Variants in KIRREL3 observed in about 807,000 individuals in gnomAD.
KIRREL3 encodes kirre like nephrin family adhesion molecule 3.
In KIRREL3, 36 loss-of-function variants were observed where a neutral mutation model predicts 89.7. That is an observed-to-expected ratio of 0.40 (90% CI 0.31 to 0.53). The LOEUF is 0.53. KIRREL3 is among the 20% of genes least tolerant of loss of function. KIRREL3 has a pLI of 0.49. For synonymous variants in KIRREL3, 445 were observed against 441.4 expected (o/e 1.01, Z -0.10); for missense variants, 864 against 1,056.6 (o/e 0.82, Z 2.53).
intron 1 of KIRREL3, among the ~76,000 whole-genome samples, chr11:126,672,984 G>C (rs929947150): frequency 2.0e-5 from 3 of 152,172 alleles, no homozygotes; most frequent in Admixed American, 1.3e-4. Context: ...TAACAAATAG[G>C]CTTGAGTTTC....
At chr11:126,957,939 A>G (rs1007586433) in intron 1 of KIRREL3, among the ~76,000 whole-genome samples, 1 of 152,238 alleles carries the variant, frequency 6.6e-6, no homozygotes, top group Admixed American at 6.5e-5. Context: ...TGTGCCATTC[A>G]GTCATAATAC....
intron 1 of KIRREL3, among the ~76,000 whole-genome samples, chr11:126,765,752 T>C (rs948612106): frequency 6.6e-6 from 1 of 152,152 alleles, no homozygotes; most frequent in African/African-American, 2.4e-5. Context: ...CCAACATAAC[T>C]CACTCCTCAG....
At chr11:126,437,557 T>C (rs12280574) in intron 11 of KIRREL3, among the ~76,000 whole-genome samples, 81,106 of 152,030 alleles carry the variant, frequency 0.53, 22,598 homozygotes, top group Admixed American at 0.6. Flanking sequence ...CACATCACAG[T>C]GCACACATGC....
Position 126,508,843 on chromosome 11 carries a change from C to A in KIRREL3, c.433+12472G>T, listed in dbSNP as rs772883616. On this transcript the variant is annotated intron_variant, in intron 4 of 16. Transcript: ENST00000525144. The surrounding 1 kb of genome is among the most constrained non-coding windows in gnomAD (Gnocchi z 4.9). The stretch of plus-strand genomic sequence containing the variant: ...TGGTCAGAGGGCAGATGAAGGCATG[C>A]GAGTGGGTTCCTCAGCACAGTGCCT... Among the ~76,000 whole-genome samples the A allele has an allele frequency of 6.6e-6, 1 of 152,148 alleles. No homozygotes were observed. Among genetic ancestry groups the A allele is most frequent in the East Asian group, 1.9e-4 (1 of 5,184 alleles).
At position 126,471,742 on chromosome 11, in the gene KIRREL3, T is replaced by C. The variant is rs1360919297; in HGVS notation, c.591+1567A>G. Among the ~76,000 whole-genome samples the C allele has an allele frequency of 6.6e-6, 1 of 152,214 alleles. No individual in the cohort carries two copies. Among genetic ancestry groups the C allele is most frequent in the Non-Finnish European group, 1.5e-5 (1 of 68,040 alleles). ...GGCCTGGGCTCTGGATTGGTTGGTC[T>C]GCTTTGATATAAAGCCTGCTTGCTA... is the stretch of plus-strand genomic sequence containing the variant. On this transcript the variant is annotated intron_variant, in intron 5 of 16. Coordinates refer to ENST00000525144, the MANE Select transcript of KIRREL3 (RefSeq NM_032531.4). This position sits in a 1 kb window ranked among gnomAD's most constrained non-coding sequence, Gnocchi z 5.4.
intron 1 of KIRREL3, among the ~76,000 whole-genome samples, chr11:126,630,233 AT>A: frequency 6.6e-6 from 1 of 152,182 alleles, no homozygotes; most frequent in Non-Finnish European, 1.5e-5. Flanking sequence ...CGAATGGAAT[AT>A]AAGCCCCCTC....
intron 1 of KIRREL3, among the ~76,000 whole-genome samples, chr11:126,670,395 G>C (rs1945882334): frequency 6.6e-6 from 1 of 152,132 alleles, no homozygotes. Context: ...ATTGGAACAA[G>C]GTGAGAATAT....
At chr11:126,922,029 C>CCTAT (rs61158972) in intron 1 of KIRREL3, among the ~76,000 whole-genome samples, 72,437 of 144,266 alleles carry the variant, frequency 0.5, 18,837 homozygotes, top group African/African-American at 0.68. Flanking sequence ...TATCTATCTT[C>CCTAT]CTATCTATCT....
At chr11:126,517,763 G>A (rs12805953) in intron 4 of KIRREL3, among the ~76,000 whole-genome samples, 2,764 of 152,344 alleles carry the variant, frequency 0.018, 44 homozygotes, top group South Asian at 0.083. Flanking sequence ...GAGCGAGACA[G>A]TTCTCAGCGA....
At position 126,651,721 on chromosome 11, in the gene KIRREL3, T is replaced by G. The variant is rs1944913527; in HGVS notation, c.56-88809A>C. On this transcript the variant is annotated intron_variant, in intron 1 of 16. Coordinates refer to ENST00000525144, the MANE Select transcript of KIRREL3 (RefSeq NM_032531.4). The surrounding 1 kb of genome is among the most constrained non-coding windows in gnomAD (Gnocchi z 4.6). The stretch of plus-strand genomic sequence containing the variant: ...TCATGTGCCATTTGTTTTCATTCCT[T>G]TTTTATAATAAGCTAATTAGTTTAA... Among the ~76,000 whole-genome samples the G allele has an allele frequency of 6.6e-6, 1 of 152,222 alleles. No individual in the cohort carries two copies. The highest frequency in any genetic ancestry group is 1.5e-5 in the Non-Finnish European group (1 of 68,048).
At chr11:126,478,632 CGT>C (rs370227554) in intron 4 of KIRREL3, among the ~76,000 whole-genome samples, 1 of 147,490 alleles carries the variant, frequency 6.8e-6, no homozygotes, top group African/African-American at 2.6e-5. Context: ...TGTGTGTATG[CGT>C]GTGTATGTGT....
Position 126,780,724 on chromosome 11 carries a change from G to A in KIRREL3, c.56-217812C>T, listed in dbSNP as rs1950303190. The stretch of plus-strand genomic sequence containing the variant: ...CTGGCAGGTGTATCCAGGGCAGGAT[G>A]TGAAAGCCTCCTGCAGTCTCAGGAA... On this transcript the variant is annotated intron_variant, in intron 1 of 16. Transcript: ENST00000525144. This position sits in a 1 kb window ranked among gnomAD's most constrained non-coding sequence, Gnocchi z 5.3. 6.6e-6 allele frequency among the ~76,000 whole-genome samples: 1 copy of A among 152,214 alleles called. No homozygotes were observed. Among genetic ancestry groups the A allele is most frequent in the African/African-American group, 2.4e-5 (1 of 41,440 alleles).
rs1427807757 is a variant in KIRREL3, at chr11:126,475,060, C to T, written c.434-1594G>A. Among the ~76,000 whole-genome samples, 3 of 152,206 alleles carry T rather than the reference C, an allele frequency of 2.0e-5. No homozygotes were observed. In the East Asian group the frequency reaches 5.8e-4, roughly 29 times the overall value. On this transcript the variant is annotated intron_variant, in intron 4 of 16. Transcript: ENST00000525144. The surrounding 1 kb of genome is among the most constrained non-coding windows in gnomAD (Gnocchi z 7.5). Reference sequence around the variant, plus strand: ...GAGAGAGGCCCAGGGCCTCTGGACACATCAAGACGTGAGCTGTCTGTGTAC... The same window carrying T: ...GAGAGAGGCCCAGGGCCTCTGGACATATCAAGACGTGAGCTGTCTGTGTAC...
chr11:126,494,785 C>T (rs1318274793), intron 4 of KIRREL3, among the ~76,000 whole-genome samples: 3 of 152,136 alleles, frequency 2.0e-5, no homozygotes, highest in Admixed American at 6.5e-5. Flanking sequence ...GGGCGGTGAG[C>T]GCTAGGACAG....
rs1845730351 is a variant in KIRREL3, at chr11:126,441,201, G to A, written c.1253-652C>T. On this transcript the variant is annotated intron_variant, in intron 10 of 16. Transcript: ENST00000525144. The surrounding 1 kb of genome is among the most constrained non-coding windows in gnomAD (Gnocchi z 5.0). ...AGTTCATCATCTTGTCTGCCTCCACGTCCATACCCAGACTGCCCAAGTGAG... is the reference window on the plus strand; with the variant it reads ...AGTTCATCATCTTGTCTGCCTCCACATCCATACCCAGACTGCCCAAGTGAG... 6.6e-6 allele frequency among the ~76,000 whole-genome samples: 1 copy of A among 152,172 alleles called. No individual in the cohort carries two copies. Among genetic ancestry groups the A allele is most frequent in the South Asian group, 2.1e-4 (1 of 4,830 alleles).
rs972166865 is a variant in KIRREL3, at chr11:126,685,415, C to G, written c.56-122503G>C. ...GGGGTAGCTGCCTTACCAGAGAGAGCGGGATTTCTCAGACACTGCTAACTT... is the reference window on the plus strand; with the variant it reads ...GGGGTAGCTGCCTTACCAGAGAGAGGGGGATTTCTCAGACACTGCTAACTT... On this transcript the variant is annotated intron_variant, in intron 1 of 16. Coordinates refer to ENST00000525144, the MANE Select transcript of KIRREL3 (RefSeq NM_032531.4). The surrounding 1 kb of genome is among the most constrained non-coding windows in gnomAD (Gnocchi z 5.5). 2.0e-5 allele frequency among the ~76,000 whole-genome samples: 3 copies of G among 152,082 alleles called. No individual in the cohort carries two copies. Among genetic ancestry groups the G allele is most frequent in the Non-Finnish European group, 4.4e-5 (3 of 68,024 alleles).
chr11:126,504,149 C>A (rs1957950061), intron 4 of KIRREL3, among the ~76,000 whole-genome samples: 1 of 152,138 alleles, frequency 6.6e-6, no homozygotes, highest in Non-Finnish European at 1.5e-5. Flanking sequence ...AGGCCCCACA[C>A]CAAAAACCTT....
At position 126,807,217 on chromosome 11, in the gene KIRREL3, C is replaced by T. The variant is rs1287656098; in HGVS notation, c.55+193238G>A. Among the ~76,000 whole-genome samples, 2 of 152,174 alleles carry T rather than the reference C, an allele frequency of 1.3e-5. No individual in the cohort carries two copies. Among genetic ancestry groups the T allele is most frequent in the Non-Finnish European group, 2.9e-5 (2 of 68,020 alleles). ...CCACCTCCTGCTAACATTTTATTTT[C>T]TCTGACTCCCACTGATAAAATCCTA... On this transcript the variant is annotated intron_variant, in intron 1 of 16. Coordinates refer to ENST00000525144, the MANE Select transcript of KIRREL3 (RefSeq NM_032531.4). The surrounding 1 kb of genome is among the most constrained non-coding windows in gnomAD (Gnocchi z 4.3).
chr11:127,002,326 G>C (rs1314359322), upstream of KIRREL3, among the ~76,000 whole-genome samples: 15 of 152,190 alleles, frequency 9.9e-5, no homozygotes, highest in Non-Finnish European at 1.5e-5. Flanking sequence ...AGGGAAATTT[G>C]TAAGCAAACT....
Sources: gnomAD v4.1 joint callset for allele counts (sites outside exome capture counted in the v4.1 genomes callset) on GRCh38, gnomAD v4.1.1 for gene constraint, Gnocchi (gnomAD v3.1) non-coding constraint, MANE v1.5 for transcripts, NCBI Gene and HGNC (gene_info 2026-07-23, HGNC 2026-07-21) for gene names.